NFKBIA: variants seen among roughly 807,000 people sequenced by gnomAD.
The protein encoded by NFKBIA is NF-kappa-B inhibitor alpha.
Under a neutral mutation model 36.3 loss-of-function variants are expected in NFKBIA, and 10 were observed. That is an observed-to-expected ratio of 0.28 (90% CI 0.17 to 0.47). NFKBIA has a LOEUF of 0.47. Among genes scored for constraint, NFKBIA ranks in the 20% least tolerant of loss-of-function variants. The pLI is 0.99. For missense variants in NFKBIA, 355 were observed against 399.3 expected (o/e 0.89, Z 0.94); for synonymous variants, 205 against 164.4 (o/e 1.25, Z -1.89).
At chr14:35,402,906 A>G (rs368999299) in intron 3 of NFKBIA, 47 bp from the exon 4 acceptor site, 44 of 1,531,300 alleles carry the variant, frequency 2.9e-5, no homozygotes, top group Non-Finnish European at 4.0e-5. Context: ...TTCAACCCTC[A>G]CTCCTTTCAC....
At chr14:35,404,386 A>T (rs2138833890) in intron 1 of NFKBIA, 32 bp downstream of exon 1, 1 of 518,340 alleles carries the variant, frequency 1.9e-6, no homozygotes, top group Non-Finnish European at 3.3e-6. Context: ...CGCCCTCCCG[A>T]CGACCCCCAG....
chr14:35,402,418 C>T lies in NFKBIA; in HGVS notation c.882G>A (p.Glu294=). The change falls in exon 5 of 6, where the codon GAG becomes GAA. Residue 294 remains glutamate (E), a synonymous_variant. Coordinates refer to ENST00000216797, the MANE Select transcript of NFKBIA (RefSeq NM_020529.3). ...EDEESYDTES[E]FTEFTEDELP... ...CCTCGTCCTCTGTGAACTCCGTGAACTCTGACTCTGTGTCATAGCTCTCCT... is the reference window on the plus strand; with the variant it reads ...CCTCGTCCTCTGTGAACTCCGTGAATTCTGACTCTGTGTCATAGCTCTCCT... The T allele has an allele frequency of 1.2e-6, 2 of 1,614,198 alleles. No homozygotes were observed. The highest frequency in any genetic ancestry group is 1.1e-5 in the South Asian group (1 of 91,090).
At position 35,404,487 on chromosome 14, in the gene NFKBIA, C is replaced by T. The variant is rs761810172; in HGVS notation, c.158G>A (p.Arg53His). 6.2e-7 allele frequency: 1 copy of T among 1,602,888 alleles called. No homozygotes were observed. The highest frequency in any genetic ancestry group is 1.1e-5 in the South Asian group (1 of 89,706). Residue 53 changes from arginine to histidine, a missense_variant, in exon 1 of 6, where the codon CGC (arginine) becomes CAC (histidine). By Grantham distance (29) the Arg-to-His change is conservative. Coordinates refer to ENST00000216797, the MANE Select transcript of NFKBIA (RefSeq NM_020529.3). ...GCGCGGCACCTCCTGCGGCTCGAGG[C>T]GGATCTCCTGCAGCTCCTTGACCAT... ...EQMVKELQEI[R>H]LEPQEVPRGS...
chr14:35,403,431 G>A (rs888182975), intron 2 of NFKBIA, 71 bp from the exon 3 acceptor site: 26 of 1,524,550 alleles, frequency 1.7e-5, no homozygotes, highest in African/African-American at 2.7e-5. Flanking sequence ...CCCTCAACCC[G>A]TGTCTCCTGG....
intron 5 of NFKBIA, among the ~76,000 whole-genome samples, 157 bp downstream of exon 5, chr14:35,402,237 G>GCTATTAAAAAAAGGGT (rs528972100): frequency 0.095 from 3,008 of 31,536 alleles, 95 homozygotes; most frequent in African/African-American, 0.27. Context: ...AAAAAAAGAG[G>GCTATTAAAAAAAGGGT]GGGGGCAGGT....
Position 35,402,200 on chromosome 14 carries a change from G to A in NFKBIA, c.907-140C>T, listed in dbSNP as rs577014872. ...AAATATAATGAACTTTACAGGCTGA[G>A]AGAGTTTGCCTTTAATGCTTCTCTT... On this transcript the variant is annotated intron_variant, in intron 5 of 5. Coordinates refer to ENST00000216797, the MANE Select transcript of NFKBIA (RefSeq NM_020529.3). 269 of 770,576 alleles carry A rather than the reference G, an allele frequency of 3.5e-4. 1 individual carries two copies. The South Asian group carries it at 3.9e-3, about 11-fold the overall frequency. 47.7% of individuals were successfully genotyped at this position (770,576 alleles called of 1,614,324 possible).
chr14:35,403,829 G>A, intron 1 of NFKBIA, 31 bp from the exon 2 acceptor site: 1 of 1,537,514 alleles, frequency 6.5e-7, no homozygotes, highest in Non-Finnish European at 9.0e-7. Flanking sequence ...AACCCCAGGG[G>A]TGGTGAGTGC....
chr14:35,403,658 C>T, intron 2 of NFKBIA, 32 bp downstream of exon 2: 1 of 1,510,630 alleles, frequency 6.6e-7, no homozygotes, highest in Non-Finnish European at 9.2e-7. Flanking sequence ...GTCCCAGGGT[C>T]AGAGAGAACC....
rs1566589911 is a variant in NFKBIA at position 35,402,373 on chromosome 14, CG to C, written c.906+20del. The C allele has an allele frequency of 6.2e-7, 1 of 1,613,984 alleles. No homozygotes were observed. On this transcript the variant is annotated intron_variant, in intron 5 of 5. Coordinates refer to ENST00000216797, the MANE Select transcript of NFKBIA (RefSeq NM_020529.3). Reference sequence around the variant, plus strand: ...AATGGCACCTCATTAGTTAGAGCGCCGAAGGAGTTCACAGACTCACCTCGTC... The same window carrying C: ...AATGGCACCTCATTAGTTAGAGCGCCAAGGAGTTCACAGACTCACCTCGTC...
chr14:35,403,852 C>G, intron 1 of NFKBIA, 54 bp from the exon 2 acceptor site: 1 of 1,351,368 alleles, frequency 7.4e-7, no homozygotes, highest in Non-Finnish European at 1.0e-6. Flanking sequence ...CGCGTGGGGC[C>G]CAGGGAGGCG....
rs770933211 is a variant in NFKBIA at position 35,403,188 on chromosome 14, G to A, written c.509C>T (p.Pro170Leu). Residue 170 changes from proline (P) to leucine (L), a missense_variant, in exon 3 of 6, where the codon CCG becomes CTG. Pro to Leu is a moderately conservative substitution (Grantham distance 98, BLOSUM62 -3). Transcript: ENST00000216797. ...AGCCTTCAGGATGGAGTGGAGGTGC[G>A]GGGTGGTGCAGGACTGAGTCAGGAC... ...VGVLTQSCTT[P>L]HLHSILKATN... is the part of the protein sequence containing the mutation. The A allele has an allele frequency of 1.1e-5, 17 of 1,612,258 alleles. No homozygotes were observed. The highest frequency in any genetic ancestry group is 4.0e-5 in the African/African-American group (3 of 74,946).
rs1170593961 is a variant in NFKBIA, at chr14:35,401,662, G to C, written c.*351C>G. 2.5e-6 allele frequency: 1 copy of C among 404,086 alleles called. No homozygotes were observed. The highest frequency in any genetic ancestry group is 4.5e-6 in the Non-Finnish European group (1 of 221,480). 25.0% of individuals were successfully genotyped at this position (404,086 alleles called of 1,614,324 possible). On this transcript the variant is annotated 3_prime_UTR_variant, in exon 6 of 6. Coordinates refer to ENST00000216797, the MANE Select transcript of NFKBIA (RefSeq NM_020529.3). The stretch of plus-strand genomic sequence containing the variant: ...CATCACTGAACGCTTAACACTCCTG[G>C]CTGTTACATGTCACAGGATACCACT...
At chr14:35,402,370 C>T (rs781022181) in intron 5 of NFKBIA, 24 bp downstream of exon 5, 18 of 1,613,736 alleles carry the variant, frequency 1.1e-5, no homozygotes, top group East Asian at 4.5e-5. Flanking sequence ...TTAGTTAGAG[C>T]GCCGAAGGAG....
intron 3 of NFKBIA, 71 bp from the exon 4 acceptor site, chr14:35,402,930 G>A (rs2052743904): frequency 2.8e-6 from 4 of 1,453,548 alleles, no homozygotes. Context: ...TTCTTTTATG[G>A]AACAAGTAGT....
chr14:35,402,737 C>G, intron 4 of NFKBIA, 34 bp downstream of exon 4: 1 of 1,613,936 alleles, frequency 6.2e-7, no homozygotes, highest in South Asian at 1.1e-5. Context: ...CACGAGGAGC[C>G]TGACTCAGTG....
At position 35,402,456 on chromosome 14, in the gene NFKBIA, C is replaced by T. The variant is rs767285341; in HGVS notation, c.844G>A (p.Glu282Lys). 6.2e-7 allele frequency: 1 copy of T among 1,614,212 alleles called. No individual in the cohort carries two copies. Residue 282 changes from glutamate to lysine, a missense_variant, in exon 5 of 6, where the codon GAG becomes AAG. Coordinates refer to ENST00000216797, the MANE Select transcript of NFKBIA (RefSeq NM_020529.3). ...LTLENLQMLP[E>K]SEDEESYDTE... is the part of the protein sequence containing the mutation. ...TCATAGCTCTCCTCATCCTCACTCT[C>T]TGGCAGCATCTGAAGGTTTTCTAGT... is the stretch of plus-strand genomic sequence containing the variant.
Position 35,403,090 on chromosome 14 carries a change from C to T in NFKBIA, c.547+60G>A, listed in dbSNP as rs952502821. On this transcript the variant is annotated intron_variant, in intron 3 of 5. Coordinates refer to ENST00000216797, the MANE Select transcript of NFKBIA (RefSeq NM_020529.3). ...TGGACTCCTTAAGTTGGCCCACCTG[C>T]CCCTTCTCCACGTCACCTGCCCTCC... 36 of 1,572,454 alleles carry T rather than the reference C, an allele frequency of 2.3e-5. No homozygotes were observed. In the African/African-American group the frequency reaches 3.1e-4, roughly 14 times the overall value.
At chr14:35,403,082 C>A in intron 3 of NFKBIA, 68 bp downstream of exon 3, 1 of 1,556,188 alleles carries the variant, frequency 6.4e-7, no homozygotes, top group Admixed American at 1.7e-5. Flanking sequence ...CTTAAGTTGG[C>A]CCACCTGCCC....
chr14:35,402,925 T>C (rs1594426636), intron 3 of NFKBIA, 66 bp from the exon 4 acceptor site: 2 of 1,481,962 alleles, frequency 1.3e-6, no homozygotes, highest in East Asian at 2.3e-5. Context: ...ACCTATTCTT[T>C]TATGGAACAA....
Sources: allele counts gnomAD v4.1 joint callset (sites outside exome capture counted in the v4.1 genomes callset), GRCh38; gene constraint gnomAD v4.1.1; transcripts MANE v1.5; gene names NCBI Gene and HGNC (gene_info 2026-07-23, HGNC 2026-07-21).